The following XYLT1 variants were observed in gnomAD, a reference collection of about 807,000 sequenced individuals.
The protein encoded by XYLT1 is beta-D-xylosyltransferase 1.
XYLT1 carries 36 observed loss-of-function variants against 91.3 expected under a neutral mutation model. That is an observed-to-expected ratio of 0.39 (90% CI 0.30 to 0.52). XYLT1 has a LOEUF of 0.52. Among genes scored for constraint, XYLT1 ranks in the 20% least tolerant of loss-of-function variants. The probability of loss-of-function intolerance (pLI) is 0.68; values close to 1 mark genes in which losing one functional copy is unlikely to be tolerated. For synonymous variants in XYLT1, 588 were observed against 532.0 expected (o/e 1.11, Z -1.45); for missense variants, 1,242 against 1,284.5 (o/e 0.97, Z 0.51).
intron 3 of XYLT1, among the ~76,000 whole-genome samples, chr16:17,235,095 T>C (rs2033226714): frequency 1.3e-5 from 2 of 152,176 alleles, no homozygotes; most frequent in African/African-American, 2.4e-5. Flanking sequence ...TGCTCTATTT[T>C]ATTCCTCGCT....
intron 1 of XYLT1, among the ~76,000 whole-genome samples, chr16:17,400,904 A>G (rs1188675678): frequency 6.6e-6 from 1 of 151,986 alleles, no homozygotes; most frequent in East Asian, 1.9e-4. Context: ...AAAAAAGGGG[A>G]AGAAAAACAG....
chr16:17,446,718 C>G (rs2036596363), intron 1 of XYLT1, among the ~76,000 whole-genome samples: 1 of 152,174 alleles, frequency 6.6e-6, no homozygotes, highest in Non-Finnish European at 1.5e-5. Flanking sequence ...GGAACTCCTT[C>G]TAAAGACTCA....
At chr16:17,348,296 C>G (rs2035173982) in intron 2 of XYLT1, among the ~76,000 whole-genome samples, 1 of 152,160 alleles carries the variant, frequency 6.6e-6, no homozygotes, top group Non-Finnish European at 1.5e-5. Context: ...CCCTGAGCAG[C>G]AGAGGAATCC....
intron 2 of XYLT1, among the ~76,000 whole-genome samples, chr16:17,347,805 ATTCT>A (rs892404412): frequency 2.0e-5 from 3 of 152,196 alleles, no homozygotes; most frequent in Admixed American, 6.5e-5. Flanking sequence ...GTACAAAGAG[ATTCT>A]TTATAAGGAA....
chr16:17,153,389 T>C (rs1046707031), intron 6 of XYLT1, among the ~76,000 whole-genome samples: 2 of 152,222 alleles, frequency 1.3e-5, no homozygotes, highest in African/African-American at 4.8e-5. Context: ...GTGCTTTATG[T>C]AGCATCCTAT....
intron 10 of XYLT1, among the ~76,000 whole-genome samples, chr16:17,120,200 AAATG>A: frequency 6.6e-6 from 1 of 152,230 alleles, no homozygotes; most frequent in Non-Finnish European, 1.5e-5. Context: ...TTGAAGGAAT[AAATG>A]AATGATCAAC....
chr16:17,215,557 A>T (rs2141603192), intron 3 of XYLT1, among the ~76,000 whole-genome samples: 1 of 152,244 alleles, frequency 6.6e-6, no homozygotes, highest in African/African-American at 2.4e-5. Context: ...TCCAAAATGG[A>T]GACAAATATT....
intron 11 of XYLT1, among the ~76,000 whole-genome samples, chr16:17,114,802 G>C (rs1489346552): frequency 6.6e-6 from 1 of 151,068 alleles, no homozygotes; most frequent in Non-Finnish European, 1.5e-5. Flanking sequence ...TTTGTGTTAT[G>C]GATGTAACTG....
At chr16:17,271,479 T>C (rs556446654) in intron 2 of XYLT1, among the ~76,000 whole-genome samples, 3 of 152,068 alleles carry the variant, frequency 2.0e-5, no homozygotes, top group African/African-American at 4.8e-5. Context: ...CACACACAGA[T>C]AGGCACAGAG....
intron 5 of XYLT1, among the ~76,000 whole-genome samples, chr16:17,167,390 A>C (rs967210741): frequency 2.6e-5 from 4 of 152,214 alleles, no homozygotes; most frequent in Admixed American, 1.3e-4. Context: ...AAGTCCAGTA[A>C]GTTTCCTCCT....
chr16:17,470,389 T>TCCTC (rs1390144918), intron 1 of XYLT1, 45 bp downstream of exon 1: 2 of 1,217,504 alleles, frequency 1.6e-6, no homozygotes, highest in Non-Finnish European at 1.0e-6. Context: ...CGGGCTGCCT[T>TCCTC]CCTCCCTCCC....
At chr16:17,271,339 C>T (rs1357146113) in intron 2 of XYLT1, among the ~76,000 whole-genome samples, 1 of 151,320 alleles carries the variant, frequency 6.6e-6, no homozygotes, top group Non-Finnish European at 1.5e-5. Flanking sequence ...GAGAGACACA[C>T]AGAGAAAGAC....
At chr16:17,254,047 A>G (rs2033591302) in intron 3 of XYLT1, among the ~76,000 whole-genome samples, 2 of 152,102 alleles carry the variant, frequency 1.3e-5, no homozygotes, top group Admixed American at 1.3e-4. Context: ...TTGAGCCTCG[A>G]TTTCCTCACT....
intron 1 of XYLT1, among the ~76,000 whole-genome samples, chr16:17,465,572 G>A (rs888773357): frequency 8.4e-6 from 1 of 118,520 alleles, no homozygotes; most frequent in Non-Finnish European, 1.7e-5. Flanking sequence ...GGGGGGGGGT[G>A]AGCATTTAAT....
In XYLT1 at chr16:17,158,873, G is replaced by A. The variant is rs1425648989; in HGVS notation, c.1326C>T (p.Tyr442=). 1.2e-6 allele frequency: 2 copies of A among 1,613,946 alleles called. No individual in the cohort carries two copies. Among genetic ancestry groups the A allele is most frequent in the African/African-American group, 2.7e-5 (2 of 74,880 alleles). Residue 442 remains tyrosine (Y), a synonymous_variant, in exon 6 of 12, where the codon TAC becomes TAT. Transcript: ENST00000261381. ...NDQLVAFLSR[Y]RDMNFLKSHG... ...GTGACTTCAAGAAATTCATATCTCG[G>A]TATCGGGAGAGAAACGCCACCAACT...
intron 3 of XYLT1, among the ~76,000 whole-genome samples, chr16:17,237,446 T>C (rs371651715): frequency 6.6e-6 from 1 of 152,114 alleles, no homozygotes; most frequent in South Asian, 2.1e-4. Context: ...AAGATACTGG[T>C]TGGAGGTTTA....
intron 1 of XYLT1, among the ~76,000 whole-genome samples, chr16:17,447,941 C>T (rs1036573895): frequency 6.6e-6 from 1 of 152,354 alleles, no homozygotes; most frequent in South Asian, 2.1e-4. Flanking sequence ...AAGACCCTGT[C>T]GCTTGTGACA....
intron 3 of XYLT1, among the ~76,000 whole-genome samples, chr16:17,256,273 G>GA (rs1297378290): frequency 6.6e-6 from 1 of 152,078 alleles, no homozygotes; most frequent in African/African-American, 2.4e-5. Context: ...TATTTAAAAT[G>GA]AAAAACACCT....
chr16:17,179,931 T>C (rs899438453), intron 5 of XYLT1, among the ~76,000 whole-genome samples: 6 of 152,216 alleles, frequency 3.9e-5, no homozygotes, highest in Non-Finnish European at 8.8e-5. Context: ...CCACAGGCCA[T>C]ACTTGGGAAG....
Sources: gnomAD v4.1 joint callset for allele counts (sites outside exome capture counted in the v4.1 genomes callset) on GRCh38, gnomAD v4.1.1 for gene constraint, MANE v1.5 for transcripts, NCBI Gene and HGNC (gene_info 2026-07-23, HGNC 2026-07-21) for gene names.